The following SIRT1 variants were observed in gnomAD, a reference collection of about 807,000 sequenced individuals.
SIRT1 encodes the protein NAD-dependent protein deacetylase sirtuin-1.
SIRT1 carries 24 observed loss-of-function variants against 67.9 expected under a neutral mutation model. The ratio of observed to expected loss-of-function variants is 0.35; its 90% CI spans 0.26 to 0.50. The LOEUF (loss-of-function observed/expected upper bound fraction) is 0.50. Among genes scored for constraint, SIRT1 ranks in the 20% least tolerant of loss-of-function variants. The pLI is 0.98. For synonymous variants in SIRT1, 378 were observed against 350.7 expected, an observed-to-expected ratio of 1.08 and a Z score of -0.87; for missense variants, 873 against 937.2, an observed-to-expected ratio of 0.93 and a Z score of 0.89.
Position 67,906,775 on chromosome 10 carries a change from A to G in SIRT1, c.943-15A>G, listed in dbSNP as rs376158746. Reference sequence around the variant, plus strand: ...TTCACTAATGTAAATTTTTTCTACCATTTGCTTGATACAGGAAATATATCC... The same window carrying G: ...TTCACTAATGTAAATTTTTTCTACCGTTTGCTTGATACAGGAAATATATCC... On this transcript the variant is annotated splice_polypyrimidine_tract_variant and intron_variant, in intron 4 of 8. Transcript: ENST00000212015. The G allele has an allele frequency of 3.9e-5, 63 of 1,603,674 alleles. No homozygotes were observed. The African/African-American group carries it at 7.0e-4, about 18-fold the overall frequency.
intron 4 of SIRT1, among the ~76,000 whole-genome samples, chr10:67,905,870 AC>A (rs571465230): frequency 2.6e-3 from 399 of 152,212 alleles, no homozygotes; most frequent in Middle Eastern, 0.01. Flanking sequence ...TACATATTCC[AC>A]TATTATGGAT....
At chr10:67,908,777 C>G (rs1229113111) in intron 6 of SIRT1, among the ~76,000 whole-genome samples, 1 of 152,142 alleles carries the variant, frequency 6.6e-6, no homozygotes, top group Non-Finnish European at 1.5e-5. Flanking sequence ...TGGCATATGC[C>G]TTTAATCTCA....
intron 3 of SIRT1, among the ~76,000 whole-genome samples, chr10:67,890,450 TAATAGA>T (rs1209270343): frequency 2.0e-5 from 3 of 152,126 alleles, no homozygotes; most frequent in Admixed American, 2.0e-4. Context: ...TACTTCTCTG[TAATAGA>T]AATTCTTGGC....
chr10:67,893,967 C>T (rs1404708275), intron 4 of SIRT1, among the ~76,000 whole-genome samples: 1 of 152,018 alleles, frequency 6.6e-6, no homozygotes, highest in African/African-American at 2.4e-5. Flanking sequence ...CTTAAATTGG[C>T]GACTGTCTTT....
At chr10:67,885,333 A>G (rs979013114) in intron 1 of SIRT1, 182 bp downstream of exon 1, 61 of 1,237,262 alleles carry the variant, frequency 4.9e-5, no homozygotes, top group Middle Eastern at 3.1e-4. Context: ...GCGAGCTGCC[A>G]GTGGATTCGC....
At chr10:67,908,983 C>T (rs907056327) in intron 6 of SIRT1, among the ~76,000 whole-genome samples, 4 of 152,040 alleles carry the variant, frequency 2.6e-5, no homozygotes, top group Non-Finnish European at 5.9e-5. Context: ...TGTATATACA[C>T]ACATTATGTT....
rs147051700 is a variant in SIRT1 at position 67,914,516 on chromosome 10, C to T, written c.1915+1485C>T. On this transcript the variant is annotated intron_variant, in intron 8 of 8. Transcript: ENST00000212015. ...TAGAGGGATGCTTACGTTTGCAAAT[C>T]GTGGCAGAAGTCAGAAAGTAGAAAA... is the stretch of plus-strand genomic sequence containing the variant. Among the ~76,000 whole-genome samples, 614 of 152,210 alleles carry T rather than the reference C, an allele frequency of 4.0e-3. 8 individuals carry two copies. The highest frequency in any genetic ancestry group is 0.014 in the African/African-American group (588 of 41,548).
At chr10:67,911,065 T>G (rs1233706684) in intron 7 of SIRT1, among the ~76,000 whole-genome samples, 1 of 152,226 alleles carries the variant, frequency 6.6e-6, no homozygotes, top group East Asian at 1.9e-4. Flanking sequence ...CCTAATTAGC[T>G]GTGAAATTCT....
chr10:67,912,272 G>C (rs767158552), intron 7 of SIRT1, among the ~76,000 whole-genome samples: 1 of 152,152 alleles, frequency 6.6e-6, no homozygotes, highest in Non-Finnish European at 1.5e-5. Flanking sequence ...AGCAGAACTT[G>C]AGCGTTTTAT....
chr10:67,899,176 G>C (rs562832318), intron 4 of SIRT1, among the ~76,000 whole-genome samples: 3 of 151,904 alleles, frequency 2.0e-5, no homozygotes, highest in African/African-American at 7.2e-5. Context: ...CCTCTATTAG[G>C]GCTGGGTGCA....
At chr10:67,888,298 G>A (rs1251338039) in intron 2 of SIRT1, among the ~76,000 whole-genome samples, 1 of 152,116 alleles carries the variant, frequency 6.6e-6, no homozygotes, top group Non-Finnish European at 1.5e-5. Context: ...TTTGGTGTCT[G>A]TAATTTATTT....
chr10:67,884,701 G>C lies in SIRT1; in HGVS notation c.-21G>C. ...GGGAGCAGAGGAGGCGAGGGAGGAG[G>C]GCCAGAGAGGCAGTTGGAAGATGGC... On this transcript the variant is annotated 5_prime_UTR_variant, in exon 1 of 9. Transcript: ENST00000212015. 1 of 1,228,482 alleles carries C rather than the reference G, an allele frequency of 8.1e-7. No individual in the cohort carries two copies. Among genetic ancestry groups the C allele is most frequent in the Non-Finnish European group, 1.0e-6 (1 of 985,920 alleles). 76.1% of individuals were successfully genotyped at this position (1,228,482 alleles called of 1,614,324 possible).
At chr10:67,906,676 C>A in intron 4 of SIRT1, 114 bp from the exon 5 acceptor site, 2 of 1,062,498 alleles carry the variant, frequency 1.9e-6, no homozygotes. Context: ...AAATGCTCAT[C>A]TATTTCATTT....
intron 4 of SIRT1, among the ~76,000 whole-genome samples, chr10:67,895,295 G>A (rs953052970): frequency 1.3e-5 from 2 of 152,078 alleles, no homozygotes; most frequent in Non-Finnish European, 1.5e-5. Flanking sequence ...GGTGGCGGGC[G>A]CCTGTCGTCC....
Position 67,897,948 on chromosome 10 carries a change from C to CTT in SIRT1, c.942+6416_942+6417dup, listed in dbSNP as rs1193148620. ...AACTGAATTAGGATGTATAAAATAACTTTTTTTTTTTTTTTTTTTTTTTAA... is the reference window on the plus strand; with the variant it reads ...AACTGAATTAGGATGTATAAAATAACTTTTTTTTTTTTTTTTTTTTTTTTTAA... On this transcript the variant is annotated intron_variant, in intron 4 of 8. Coordinates refer to ENST00000212015, the MANE Select transcript of SIRT1 (RefSeq NM_012238.5). 7.5e-4 allele frequency among the ~76,000 whole-genome samples: 82 copies of CTT among 108,898 alleles called. 1 individual carries two copies. In the East Asian group the frequency reaches 0.011, roughly 14 times the overall value. 71.4% of individuals were successfully genotyped at this position (108,898 alleles called of 152,430 possible). A position where few individuals can be genotyped will look rare whatever the true frequency, so the allele number is the denominator to read the frequency against.
chr10:67,904,119 T>G (rs1299959128), intron 4 of SIRT1, among the ~76,000 whole-genome samples: 6 of 139,774 alleles, frequency 4.3e-5, no homozygotes, highest in African/African-American at 1.5e-4. Context: ...TTTTAGTTTT[T>G]TTTGTTTGTT....
intron 5 of SIRT1, among the ~76,000 whole-genome samples, chr10:67,907,186 A>T (rs565314657): frequency 1.1e-4 from 17 of 152,234 alleles, no homozygotes; most frequent in Non-Finnish European, 2.4e-4. Context: ...AGTTGCATGC[A>T]TTCAATTATT....
chr10:67,905,275 A>G (rs1842803929), intron 4 of SIRT1, among the ~76,000 whole-genome samples: 1 of 152,226 alleles, frequency 6.6e-6, no homozygotes, highest in Non-Finnish European at 1.5e-5. Flanking sequence ...GGAAGAAAAC[A>G]GTGGTTGATT....
In SIRT1 at chr10:67,909,839, T is replaced by C. The variant is rs148062421; in HGVS notation, c.1357+397T>C. Among the ~76,000 whole-genome samples the C allele has an allele frequency of 6.1e-4, 93 of 151,968 alleles. No homozygotes were observed. The East Asian group carries it at 0.018, about 29-fold the overall frequency. On this transcript the variant is annotated intron_variant, in intron 7 of 8. Transcript: ENST00000212015. ...ATCCGCCTGTCTCTGCCTTCTAAAG[T>C]GCTGGGATTACAGGCATGAGCCCCC... is the stretch of plus-strand genomic sequence containing the variant.
Sources: gnomAD v4.1 joint callset for allele counts (sites outside exome capture counted in the v4.1 genomes callset) on GRCh38, gnomAD v4.1.1 for gene constraint, MANE v1.5 for transcripts, NCBI Gene and HGNC (gene_info 2026-07-23, HGNC 2026-07-21) for gene names.